The following UBE3B variants were observed in gnomAD, a reference collection of about 807,000 sequenced individuals.
UBE3B encodes the protein ubiquitin protein ligase E3B.
A neutral mutation model predicts 132.3 loss-of-function variants in UBE3B; 80 were observed. The observed-to-expected ratio is 0.60, with a 90% CI of 0.50 to 0.73. UBE3B has a LOEUF of 0.73. Ranked by LOEUF, UBE3B falls within the 30% of genes least tolerant of loss-of-function variation. The pLI is 0.00. For synonymous variants in UBE3B, 487 were observed against 520.4 expected, an observed-to-expected ratio of 0.94 and a Z score of 0.87; for missense variants, 1,196 against 1,362.5, an observed-to-expected ratio of 0.88 and a Z score of 1.92.
intron 9 of UBE3B, among the ~76,000 whole-genome samples, chr12:109,495,141 A>C (rs1298880497): frequency 6.6e-6 from 1 of 152,194 alleles, no homozygotes; most frequent in African/African-American, 2.4e-5. Context: ...CCTCACCTAG[A>C]CAAGTGGTGA....
At chr12:109,527,081 T>A (rs1482707692) in intron 24 of UBE3B, among the ~76,000 whole-genome samples, 1 of 151,940 alleles carries the variant, frequency 6.6e-6, no homozygotes, top group Non-Finnish European at 1.5e-5. Context: ...GAGGGGCAGA[T>A]CATTTTGGAT....
chr12:109,511,820 G>A (rs956993424), intron 18 of UBE3B, among the ~76,000 whole-genome samples: 1 of 152,192 alleles, frequency 6.6e-6, no homozygotes, highest in African/African-American at 2.4e-5. Flanking sequence ...CTTCAGGAAG[G>A]TCATCTTGGC....
intron 2 of UBE3B, among the ~76,000 whole-genome samples, chr12:109,483,116 C>T (rs1006565103): frequency 1.3e-5 from 2 of 152,216 alleles, no homozygotes; most frequent in African/African-American, 2.4e-5. Flanking sequence ...GCTGACCTCT[C>T]AGTTTTGGTT....
rs200295015 is a variant in UBE3B at position 109,510,401 on chromosome 12, T to C, written c.1799T>C (p.Val600Ala). Residue 600 changes from valine (V) to alanine (A), a missense_variant, in exon 17 of 28, where the codon GTG becomes GCG. Coordinates refer to ENST00000342494, the MANE Select transcript of UBE3B (RefSeq NM_130466.4). ...LFQSVHGWLM[V>A]LYERDCRRRF... is the part of the protein sequence containing the mutation. ...CAGTCTGTCCACGGGTGGCTTATGG[T>C]GCTGTACGAGCGGGACTGCCGGCGG... The C allele has an allele frequency of 7.7e-5, 125 of 1,613,118 alleles. No homozygotes were observed. The highest frequency in any genetic ancestry group is 3.3e-4 in the Admixed American group (20 of 59,914).
chr12:109,544,901 CATCT>C, the UBE3B span, among the ~76,000 whole-genome samples: 1 of 152,196 alleles, frequency 6.6e-6, no homozygotes, highest in African/African-American at 2.4e-5. Flanking sequence ...AATGTTTTTC[CATCT>C]GTTACCCACT....
chr12:109,480,593 A>G (rs922152966), intron 1 of UBE3B, among the ~76,000 whole-genome samples: 2 of 151,860 alleles, frequency 1.3e-5, no homozygotes. Context: ...AGAAGCTGCA[A>G]TGAACCATGA....
At chr12:109,506,029 C>A (rs908224458) in intron 14 of UBE3B, among the ~76,000 whole-genome samples, 1 of 152,288 alleles carries the variant, frequency 6.6e-6, no homozygotes, top group Non-Finnish European at 1.5e-5. Context: ...AAACTATACC[C>A]GTGATGTGGC....
Position 109,534,067 on chromosome 12 carries a change from G to C in UBE3B, c.3015+509G>C. 1 of 1,294,696 alleles carries C rather than the reference G, an allele frequency of 7.7e-7. No homozygotes were observed. The highest frequency in any genetic ancestry group is 1.2e-5 in the South Asian group (1 of 81,082). 80.2% of individuals were successfully genotyped at this position (1,294,696 alleles called of 1,614,324 possible). A position where few individuals can be genotyped will look rare whatever the true frequency, so the allele number is the denominator to read the frequency against. On this transcript the variant is annotated intron_variant, in intron 27 of 27. Coordinates refer to ENST00000342494, the MANE Select transcript of UBE3B (RefSeq NM_130466.4). The surrounding 1 kb of genome is among the most constrained non-coding windows in gnomAD (Gnocchi z 5.2). ...GCCCACTGTGGGTGCTCAAATGAGAGTCCTACTCCCCATAAAAACCCAGTG... is the reference window on the plus strand; with the variant it reads ...GCCCACTGTGGGTGCTCAAATGAGACTCCTACTCCCCATAAAAACCCAGTG...
intron 14 of UBE3B, among the ~76,000 whole-genome samples, chr12:109,503,562 CAT>C (rs1879273185): frequency 2.6e-5 from 4 of 152,084 alleles, no homozygotes; most frequent in Admixed American, 2.6e-4. Flanking sequence ...GTGTACTGCA[CAT>C]ATAAAATAAA....
At chr12:109,539,453 C>A (rs532140729), downstream of UBE3B, among the ~76,000 whole-genome samples, 1 of 152,176 alleles carries the variant, frequency 6.6e-6, no homozygotes, top group African/African-American at 2.4e-5. Context: ...AGCATCCTGC[C>A]GCTGGGTGCA....
rs931884480 is a variant in UBE3B, at chr12:109,535,343, C to G, written c.*561C>G. ...GGCCCATCTGCTGCCCAGGGAAGCG[C>G]AGGCGCCTGCTAGGGACGCTATGGA... On this transcript the variant is annotated 3_prime_UTR_variant, in exon 28 of 28. Coordinates refer to ENST00000342494, the MANE Select transcript of UBE3B (RefSeq NM_130466.4). 1.3e-5 allele frequency: 2 copies of G among 152,318 alleles called. No individual in the cohort carries two copies. The highest frequency in any genetic ancestry group is 2.9e-5 in the Non-Finnish European group (2 of 68,094). 9.4% of individuals were successfully genotyped at this position (152,318 alleles called of 1,614,324 possible). A position where few individuals can be genotyped will look rare whatever the true frequency, so the allele number is the denominator to read the frequency against.
intron 23 of UBE3B, among the ~76,000 whole-genome samples, chr12:109,526,068 G>A (rs1436546324): frequency 2.6e-5 from 4 of 152,044 alleles, no homozygotes; most frequent in African/African-American, 2.4e-5. Flanking sequence ...TTATTTAACC[G>A]TCCTACTCTA....
rs188315997 is a variant in UBE3B at position 109,487,043 on chromosome 12, C to G, written c.447+468C>G. Among the ~76,000 whole-genome samples the G allele has an allele frequency of 3.0e-3, 454 of 152,274 alleles. 6 individuals are homozygous for G. Among genetic ancestry groups the G allele is most frequent in the African/African-American group, 0.011 (443 of 41,552 alleles). On this transcript the variant is annotated intron_variant, in intron 6 of 27. Transcript: ENST00000342494. ...CTCATTCTTTTCTCTCATCCCTGCT[C>G]CCTTTTGGGGTCACCTCGTCCTTTC...
intron 4 of UBE3B, among the ~76,000 whole-genome samples, chr12:109,484,757 A>G (rs1400226436): frequency 1.4e-5 from 2 of 146,260 alleles, no homozygotes; most frequent in East Asian, 4.0e-4. Flanking sequence ...ATGTTCGTTC[A>G]TTCATTCTTT....
chr12:109,540,354 T>A (rs1251371150), downstream of UBE3B, among the ~76,000 whole-genome samples: 8 of 152,282 alleles, frequency 5.3e-5, no homozygotes, highest in South Asian at 8.3e-4. Context: ...ACCACAAGTG[T>A]GCATCACCAC....
chr12:109,486,027 T>G lies in UBE3B; in HGVS notation c.298T>G (p.Cys100Gly), dbSNP rs1222047007. 1.3e-6 allele frequency: 2 copies of G among 1,554,164 alleles called. No individual in the cohort carries two copies. Among genetic ancestry groups the G allele is most frequent in the African/African-American group, 2.7e-5 (2 of 73,202 alleles). The change falls in exon 5 of 28, where the codon TGT becomes GGT. Residue 100 changes from cysteine (C) to glycine (G), a missense_variant. Cys to Gly is a radical substitution (Grantham distance 159, BLOSUM62 -3). Coordinates refer to ENST00000342494, the MANE Select transcript of UBE3B (RefSeq NM_130466.4). ...KEDNERFEKL[C>G]RSILSSMDAE... ...CTCTTTGCAGAGATTTGAGAAGTTG[T>G]GTCGCAGCATCCTGAGCAGCATGGA... is the stretch of plus-strand genomic sequence containing the variant.
chr12:109,533,594 T>C, intron 27 of UBE3B, 36 bp downstream of exon 27: 1 of 1,566,258 alleles, frequency 6.4e-7, no homozygotes, highest in Non-Finnish European at 8.8e-7. Flanking sequence ...GAGCCTTGAC[T>C]TCCCTCTTGG....
rs1592874276 is a variant in UBE3B at position 109,483,932 on chromosome 12, A to G, written c.233A>G (p.Lys78Arg). 2 of 1,614,166 alleles carry G rather than the reference A, an allele frequency of 1.2e-6. No individual in the cohort carries two copies. Among genetic ancestry groups the G allele is most frequent in the Non-Finnish European group, 1.7e-6 (2 of 1,180,008 alleles). ...STKRSALCIF[K>R]IARKLLFLFR... is the part of the protein sequence containing the mutation. The stretch of plus-strand genomic sequence containing the variant: ...AAAAGAAGTGCACTTTGTATTTTCA[A>G]GATTGCCAGGAAACTGCTGTTCCTA... Residue 78 changes from lysine (K) to arginine (R), a missense_variant, in exon 4 of 28, where the codon AAG (lysine) becomes AGG (arginine). Transcript: ENST00000342494.
At position 109,530,634 on chromosome 12, in the gene UBE3B, G is replaced by A. The variant is rs748279232; in HGVS notation, c.2898G>A (p.Pro966=). 26 of 1,614,020 alleles carry A rather than the reference G, an allele frequency of 1.6e-5. No individual in the cohort carries two copies. Among genetic ancestry groups the A allele is most frequent in the Middle Eastern group, 1.6e-4 (1 of 6,084 alleles). The change falls in exon 26 of 28, where the codon CCG becomes CCA. Residue 966 remains proline (P), a synonymous_variant. Coordinates refer to ENST00000342494, the MANE Select transcript of UBE3B (RefSeq NM_130466.4). ...LWDILASDFT[P]DERAMFLKFV... is the part of the protein sequence containing the mutation. The stretch of plus-strand genomic sequence containing the variant: ...ATATTCTGGCCTCCGACTTCACACC[G>A]GATGAGAGAGCTATGTTTCTGAAGG...
Sources: allele counts gnomAD v4.1 joint callset (sites outside exome capture counted in the v4.1 genomes callset), GRCh38; gene constraint gnomAD v4.1.1; non-coding constraint Gnocchi (gnomAD v3.1); transcripts MANE v1.5; gene names NCBI Gene and HGNC (gene_info 2026-07-23, HGNC 2026-07-21).